The following ZNF680 variants were observed in gnomAD, a reference collection of about 807,000 sequenced individuals.
The protein encoded by ZNF680 is hypothetical protein FLJ90430.
A neutral mutation model predicts 12.1 loss-of-function variants in ZNF680; 6 were observed. That is an observed-to-expected ratio of 0.49 (90% CI 0.27 to 0.98). The LOEUF is 0.98. Ranked by LOEUF, ZNF680 falls within the 50% of genes least tolerant of loss-of-function variation. ZNF680 has a pLI of 0.12. For synonymous variants in ZNF680, 170 were observed against 199.3 expected (o/e 0.85, Z 1.24); for missense variants, 561 against 616.3 (o/e 0.91, Z 0.95).
In ZNF680 at chr7:64,535,410, A is replaced by AGAAG. The variant is rs541571985; in HGVS notation, c.253+8293_253+8296dup. 4.1e-4 allele frequency among the ~76,000 whole-genome samples: 57 copies of AGAAG among 139,306 alleles called. 3 individuals are homozygous for AGAAG. The South Asian group carries it at 0.016, about 38-fold the overall frequency. The allele number at this position is 139,306 out of a possible 152,430, so 91.4% of individuals were successfully genotyped here. On this transcript the variant is annotated intron_variant, in intron 3 of 3. Transcript: ENST00000309683. ...AAGAAGGAAGGAAGGAAAGAAGGAA[A>AGAAG]GAAGGAAGGGAGGGAGGGAGGGAGA...
intron 1 of ZNF680, among the ~76,000 whole-genome samples, chr7:64,549,027 G>C (rs1211946535): frequency 6.6e-6 from 1 of 151,952 alleles, no homozygotes; most frequent in Non-Finnish European, 1.5e-5. Context: ...GGCTGAGGCA[G>C]GAGAATCGCT....
At chr7:64,550,583 T>C (rs1410641170) in intron 1 of ZNF680, among the ~76,000 whole-genome samples, 5 of 152,196 alleles carry the variant, frequency 3.3e-5, no homozygotes, top group African/African-American at 1.2e-4. Context: ...TTCTACTCAA[T>C]GCACACGTTA....
chr7:64,554,201 C>T (rs1391223362), intron 1 of ZNF680, among the ~76,000 whole-genome samples: 3 of 149,198 alleles, frequency 2.0e-5, no homozygotes, highest in African/African-American at 7.5e-5. Context: ...CCCGCCGCCC[C>T]GTCTGAGATG....
chr7:64,545,858 T>A (rs1297228054), intron 1 of ZNF680, among the ~76,000 whole-genome samples: 1 of 152,186 alleles, frequency 6.6e-6, no homozygotes, highest in Non-Finnish European at 1.5e-5. Flanking sequence ...TCTTTTTCTT[T>A]ACTAAGGACC....
At chr7:64,510,111 CAAT>C in the ZNF680 span, among the ~76,000 whole-genome samples, 2 of 144,952 alleles carry the variant, frequency 1.4e-5, no homozygotes, top group African/African-American at 2.5e-5. Flanking sequence ...CAAAAAACAA[CAAT>C]AACAAAAAAG....
In ZNF680 at chr7:64,543,725, T is replaced by A. The variant is rs764420853; in HGVS notation, c.235A>T (p.Met79Leu). 1 of 1,613,590 alleles carries A rather than the reference T, an allele frequency of 6.2e-7. No homozygotes were observed. The highest frequency in any genetic ancestry group is 1.7e-5 in the Admixed American group (1 of 59,990). The change falls in exon 3 of 4, where the codon ATG becomes TTG. Residue 79 changes from methionine to leucine, a missense_variant. Met to Leu is a conservative substitution (Grantham distance 15). Coordinates refer to ENST00000309683, the MANE Select transcript of ZNF680 (RefSeq NM_178558.5). ...KEPWNRKRQE[M>L]VAKPPVIYSH... Reference sequence around the variant, plus strand: ...CACCTACCTGGGGGTTTGGCTACCATCTCCTGTCTCTTCCTATTCCAGGGC... The same window carrying A: ...CACCTACCTGGGGGTTTGGCTACCAACTCCTGTCTCTTCCTATTCCAGGGC...
rs369470943 is a variant in ZNF680 at position 64,554,456 on chromosome 7, G to A, written c.30+8469C>T. Reference sequence around the variant, plus strand: ...GCCGCTGCCCCGTCTGGGAGGTGGGGGGGCGCCTCTGACCGGCTGCCCCGT... The same window carrying A: ...GCCGCTGCCCCGTCTGGGAGGTGGGAGGGCGCCTCTGACCGGCTGCCCCGT... On this transcript the variant is annotated intron_variant, in intron 1 of 3. Coordinates refer to ENST00000309683, the MANE Select transcript of ZNF680 (RefSeq NM_178558.5). Among the ~76,000 whole-genome samples, 17 of 152,218 alleles carry A rather than the reference G, an allele frequency of 1.1e-4. No homozygotes were observed. The South Asian group carries it at 1.2e-3, about 11-fold the overall frequency.
At chr7:64,535,999 T>C (rs1786144747) in intron 3 of ZNF680, among the ~76,000 whole-genome samples, 1 of 152,082 alleles carries the variant, frequency 6.6e-6, no homozygotes, top group Non-Finnish European at 1.5e-5. Flanking sequence ...TAATCAAAGA[T>C]TGATATTATA....
At position 64,534,579 on chromosome 7, in the gene ZNF680, C is replaced by A. The variant is rs537436981; in HGVS notation, c.253+9128G>T. Among the ~76,000 whole-genome samples the A allele has an allele frequency of 2.1e-3, 322 of 152,292 alleles. 3 individuals are homozygous for A. The highest frequency in any genetic ancestry group is 7.4e-3 in the African/African-American group (307 of 41,558). Reference sequence around the variant, plus strand: ...CTGCTGGTGGGAATGTAAACTAGTACAACCACTATGGAAAACAGTGTGGAG... The same window carrying A: ...CTGCTGGTGGGAATGTAAACTAGTAAAACCACTATGGAAAACAGTGTGGAG... On this transcript the variant is annotated intron_variant, in intron 3 of 3. Coordinates refer to ENST00000309683, the MANE Select transcript of ZNF680 (RefSeq NM_178558.5).
the ZNF680 span, among the ~76,000 whole-genome samples, chr7:64,505,946 T>C: frequency 2.0e-5 from 3 of 152,142 alleles, no homozygotes; most frequent in Non-Finnish European, 4.4e-5. Flanking sequence ...TGAAGTGTTT[T>C]TGTGTCCCTT....
the ZNF680 span, among the ~76,000 whole-genome samples, chr7:64,502,812 C>G: frequency 6.6e-6 from 1 of 152,084 alleles, no homozygotes; most frequent in Non-Finnish European, 1.5e-5. Flanking sequence ...AATAATATAT[C>G]TGTTAAGGCA....
At chr7:64,529,669 G>A (rs1785761799) in intron 3 of ZNF680, among the ~76,000 whole-genome samples, 1 of 152,052 alleles carries the variant, frequency 6.6e-6, no homozygotes. Context: ...CCACACCTAA[G>A]AATAATTGGC....
intron 3 of ZNF680, among the ~76,000 whole-genome samples, chr7:64,527,398 A>G (rs1357327872): frequency 6.6e-6 from 1 of 152,074 alleles, no homozygotes; most frequent in African/African-American, 2.4e-5. Context: ...TAATTAAACT[A>G]ATTAATAAAA....
At chr7:64,561,674 C>T (rs1217102630) in intron 1 of ZNF680, among the ~76,000 whole-genome samples, 3 of 152,162 alleles carry the variant, frequency 2.0e-5, no homozygotes, top group African/African-American at 7.2e-5. Flanking sequence ...GTGGCTGACG[C>T]CTGTAATCCC....
downstream of ZNF680, among the ~76,000 whole-genome samples, chr7:64,518,695 T>C (rs1791404310): frequency 6.6e-6 from 1 of 151,954 alleles, no homozygotes; most frequent in South Asian, 2.1e-4. Context: ...ACCAAATACT[T>C]ACAGCCAACA....
intron 1 of ZNF680, among the ~76,000 whole-genome samples, chr7:64,548,303 A>C (rs779125081): frequency 3.3e-5 from 5 of 152,268 alleles, no homozygotes; most frequent in Non-Finnish European, 7.3e-5. Flanking sequence ...TCTGTTCATA[A>C]ATATCCTTTC....
intron 1 of ZNF680, among the ~76,000 whole-genome samples, chr7:64,559,344 T>C (rs1182690315): frequency 6.6e-6 from 1 of 152,142 alleles, no homozygotes; most frequent in Non-Finnish European, 1.5e-5. Flanking sequence ...TTTATTCATT[T>C]GGGGGGCTGT....
rs188503166 is a variant in ZNF680, at chr7:64,529,349, G to A, written c.254-6849C>T. 2.1e-3 allele frequency among the ~76,000 whole-genome samples: 322 copies of A among 152,294 alleles called. 3 individuals are homozygous for A. Among genetic ancestry groups the A allele is most frequent in the African/African-American group, 7.4e-3 (307 of 41,572 alleles). ...ACCTGAAAAAGAATTCAGGAGGTTA[G>A]TTATTAGGCTAATAAGAAAGGCATC... On this transcript the variant is annotated intron_variant, in intron 3 of 3. Transcript: ENST00000309683.
intron 1 of ZNF680, among the ~76,000 whole-genome samples, chr7:64,553,481 T>C (rs1584402701): frequency 6.6e-6 from 1 of 152,326 alleles, no homozygotes; most frequent in Non-Finnish European, 1.5e-5. Flanking sequence ...GACATCTGAA[T>C]TTCAGTAGAC....
Sources: gnomAD v4.1 joint callset for allele counts (sites outside exome capture counted in the v4.1 genomes callset) on GRCh38, gnomAD v4.1.1 for gene constraint, MANE v1.5 for transcripts, NCBI Gene and HGNC (gene_info 2026-07-23, HGNC 2026-07-21) for gene names.